Variants in GLI2 observed in about 807,000 individuals in gnomAD.
GLI2 encodes transcription activator GLI2.
In GLI2, 22 loss-of-function variants were observed where a neutral mutation model predicts 78.9. The ratio of observed to expected loss-of-function variants is 0.28; its 90% CI spans 0.20 to 0.40. The LOEUF is 0.40. GLI2 is among the 10% of genes least tolerant of loss of function. The probability of loss-of-function intolerance (pLI) is 1.00; values close to 1 mark genes in which losing one functional copy is unlikely to be tolerated. For synonymous variants in GLI2, 974 were observed against 963.7 expected, an observed-to-expected ratio of 1.01 and a Z score of -0.20; for missense variants, 2,097 against 2,213.2, an observed-to-expected ratio of 0.95 and a Z score of 1.05.
chr2:120,976,863 GGA>G (rs1682478797), intron 9 of GLI2, among the ~76,000 whole-genome samples: 1 of 152,202 alleles, frequency 6.6e-6, no homozygotes, highest in African/African-American at 2.4e-5. Context: ...CTGGAAAGAT[GGA>G]TGGAGCAGGC....
At chr2:120,928,866 T>C (rs1451016594) in intron 3 of GLI2, among the ~76,000 whole-genome samples, 1 of 152,254 alleles carries the variant, frequency 6.6e-6, no homozygotes, top group East Asian at 1.9e-4. Flanking sequence ...AATGTGGGCA[T>C]CTTACATAAC....
intron 10 of GLI2, 85 bp from the exon 11 acceptor site, chr2:120,982,631 G>C (rs1682765862): frequency 8.5e-7 from 1 of 1,177,660 alleles, no homozygotes; most frequent in African/African-American, 1.5e-5. Flanking sequence ...GAGCAGAGCA[G>C]AGAAGGGGGT....
In GLI2 at chr2:120,735,922, G is replaced by A. The variant is rs1682333335; in HGVS notation, c.-394G>A. ...GCCAGCCGAGGCAGCACGGCTCCGCGGACTTTTTTTCAAACTCCCATCAAT... is the reference window on the plus strand; with the variant it reads ...GCCAGCCGAGGCAGCACGGCTCCGCAGACTTTTTTTCAAACTCCCATCAAT... On this transcript the variant is annotated 5_prime_UTR_variant, in exon 1 of 14. Coordinates refer to ENST00000361492, the MANE Select transcript of GLI2 (RefSeq NM_001374353.1). Among the ~76,000 whole-genome samples, 1 of 151,920 alleles carries A rather than the reference G, an allele frequency of 6.6e-6. No individual in the cohort carries two copies. Among genetic ancestry groups the A allele is most frequent in the Admixed American group, 6.6e-5 (1 of 15,260 alleles).
At chr2:120,859,235 T>A (rs892925542) in intron 2 of GLI2, among the ~76,000 whole-genome samples, 8 of 152,206 alleles carry the variant, frequency 5.3e-5, no homozygotes, top group Non-Finnish European at 1.2e-4. Context: ...GGCCCTGAGA[T>A]CACACATTGA....
At chr2:120,869,638 G>A (rs776989685) in intron 2 of GLI2, among the ~76,000 whole-genome samples, 18 of 152,160 alleles carry the variant, frequency 1.2e-4, no homozygotes, top group Non-Finnish European at 2.1e-4. Context: ...AGGCAGTGTC[G>A]CTTAAACTAC....
intron 2 of GLI2, among the ~76,000 whole-genome samples, chr2:120,862,775 A>G (rs1352903189): frequency 1.3e-5 from 2 of 152,220 alleles, no homozygotes. Flanking sequence ...ATACAGCCAA[A>G]GTGGAAGGCT....
At position 120,820,234 on chromosome 2, in the gene GLI2, T is replaced by C. The variant is rs550597767; in HGVS notation, c.148+22766T>C. Among the ~76,000 whole-genome samples, 10 of 152,328 alleles carry C rather than the reference T, an allele frequency of 6.6e-5. No homozygotes were observed. In the South Asian group the frequency reaches 2.1e-3, roughly 32 times the overall value. ...ATCAGGACAGTGGAGCGAAGGTGGG[T>C]TTGGGGGCCAATTTCTCCTCCTCTC... On this transcript the variant is annotated intron_variant, in intron 2 of 13. Coordinates refer to ENST00000361492, the MANE Select transcript of GLI2 (RefSeq NM_001374353.1).
chr2:120,936,739 A>G (rs530158584), intron 3 of GLI2, among the ~76,000 whole-genome samples: 6 of 152,298 alleles, frequency 3.9e-5, no homozygotes, highest in Admixed American at 1.3e-4. Context: ...CTTAGACTGC[A>G]CATGTTCAGA....
chr2:120,913,316 C>A (rs976086740), intron 2 of GLI2, among the ~76,000 whole-genome samples: 22 of 152,126 alleles, frequency 1.4e-4, no homozygotes, highest in African/African-American at 5.3e-4. Flanking sequence ...AGATAGGTAC[C>A]AGGTTTTGAA....
chr2:120,857,889 G>A (rs1687736794), intron 2 of GLI2, among the ~76,000 whole-genome samples: 1 of 151,798 alleles, frequency 6.6e-6, no homozygotes, highest in Non-Finnish European at 1.5e-5. Context: ...TCTCCTCGTG[G>A]CCCACTGAGA....
At chr2:120,925,266 G>A (rs1370854563) in intron 2 of GLI2, among the ~76,000 whole-genome samples, 1 of 152,198 alleles carries the variant, frequency 6.6e-6, no homozygotes, top group Non-Finnish European at 1.5e-5. Context: ...ATCAGGGTGA[G>A]AAGATTTGCT....
intron 8 of GLI2, 70 bp downstream of exon 8, chr2:120,972,133 C>T (rs769911040): frequency 2.4e-5 from 38 of 1,566,880 alleles, no homozygotes; most frequent in Non-Finnish European, 3.2e-5. Flanking sequence ...TGGGGCTGTA[C>T]CCTTGGTGGT....
chr2:120,776,693 G>A (rs1683685503), intron 1 of GLI2, among the ~76,000 whole-genome samples: 2 of 152,184 alleles, frequency 1.3e-5, no homozygotes. Context: ...AGCCCTCCCT[G>A]TGAGGCTGTG....
chr2:120,982,965 T>G (rs1186119332), intron 11 of GLI2, 85 bp downstream of exon 11: 6 of 1,364,570 alleles, frequency 4.4e-6, no homozygotes, highest in Non-Finnish European at 6.1e-6. Context: ...GTCCAGTAGA[T>G]AGCCAGGTGC....
chr2:120,955,093 G>A (rs1268351560), intron 4 of GLI2, 152 bp from the exon 5 acceptor site: 1 of 666,450 alleles, frequency 1.5e-6, no homozygotes, highest in Admixed American at 2.4e-5. Context: ...CAAACAGTGG[G>A]GCAGTGGGGG....
intron 2 of GLI2, among the ~76,000 whole-genome samples, chr2:120,845,165 C>T (rs1274658701): frequency 2.0e-5 from 3 of 152,086 alleles, no homozygotes; most frequent in African/African-American, 7.2e-5. Context: ...CCCAGCTGTT[C>T]GGGAGGCTGA....
intron 2 of GLI2, among the ~76,000 whole-genome samples, chr2:120,926,646 T>C (rs1679691052): frequency 6.6e-6 from 1 of 152,192 alleles, no homozygotes. Flanking sequence ...ACAAAGAGCA[T>C]CCTACAATTA....
intron 1 of GLI2, among the ~76,000 whole-genome samples, chr2:120,767,515 C>T (rs998863643): frequency 6.6e-6 from 1 of 152,216 alleles, no homozygotes; most frequent in South Asian, 2.1e-4. Flanking sequence ...AATTAAGTCG[C>T]ATCTCCATCA....
chr2:120,864,083 T>G (rs1241442671), intron 2 of GLI2, among the ~76,000 whole-genome samples: 2 of 152,118 alleles, frequency 1.3e-5, no homozygotes, highest in African/African-American at 4.8e-5. Flanking sequence ...CCAGGGAAAG[T>G]TCTGGGTGTG....
Sources: allele counts gnomAD v4.1 joint callset (sites outside exome capture counted in the v4.1 genomes callset), GRCh38; gene constraint gnomAD v4.1.1; transcripts MANE v1.5; gene names NCBI Gene and HGNC (gene_info 2026-07-23, HGNC 2026-07-21).